The following STIMATE variants were observed in gnomAD, a reference collection of about 807,000 sequenced individuals.
STIMATE encodes STIM activating enhancer, also known as store-operated calcium entry regulator STIMATE.
A neutral mutation model predicts 36.7 loss-of-function variants in STIMATE; 15 were observed. The observed-to-expected ratio is 0.41, with a 90% CI of 0.27 to 0.63. The LOEUF (loss-of-function observed/expected upper bound fraction) is 0.63, where lower values mean the gene tolerates loss of function less well. STIMATE is among the 20% of genes least tolerant of loss of function. STIMATE has a pLI of 0.32. For missense variants in STIMATE, 305 were observed against 397.3 expected, an observed-to-expected ratio of 0.77 and a Z score of 1.98; for synonymous variants, 163 against 162.3, an observed-to-expected ratio of 1.00 and a Z score of -0.03.
chr3:52,842,446 T>C (rs1700813603), intron 7 of STIMATE, among the ~76,000 whole-genome samples: 1 of 152,240 alleles, frequency 6.6e-6, no homozygotes, highest in Admixed American at 6.5e-5. Context: ...TGGGCAGAGA[T>C]TCAAATATCC....
rs370253640 is a variant in STIMATE, at chr3:52,871,962, G to A, written c.161-16518C>T. Among the ~76,000 whole-genome samples, 7 of 152,134 alleles carry A rather than the reference G, an allele frequency of 4.6e-5. No homozygotes were observed. In the East Asian group the frequency reaches 9.7e-4, roughly 21 times the overall value. ...GCTTCTCTTGATGCGGCACCCACAAGTTCCACCCTGCCCCTGCCCCTCTGG... is the reference window on the plus strand; with the variant it reads ...GCTTCTCTTGATGCGGCACCCACAAATTCCACCCTGCCCCTGCCCCTCTGG... On this transcript the variant is annotated intron_variant, in intron 1 of 7. Coordinates refer to ENST00000355083, the MANE Select transcript of STIMATE (RefSeq NM_198563.5).
intron 4 of STIMATE, among the ~76,000 whole-genome samples, chr3:52,847,794 G>C (rs959450749): frequency 6.6e-6 from 1 of 152,224 alleles, no homozygotes; most frequent in African/African-American, 2.4e-5. Flanking sequence ...CTTTAAGACA[G>C]GGAGAGTGTT....
chr3:52,886,773 C>CCAGTT (rs1701692335), intron 1 of STIMATE, among the ~76,000 whole-genome samples: 1 of 152,182 alleles, frequency 6.6e-6, no homozygotes, highest in Admixed American at 6.5e-5. Flanking sequence ...CAACCCTACC[C>CCAGTT]CAGTTATCAA....
chr3:52,893,068 T>C (rs1414943876), intron 1 of STIMATE, among the ~76,000 whole-genome samples: 1 of 149,706 alleles, frequency 6.7e-6, no homozygotes, highest in African/African-American at 2.5e-5. Flanking sequence ...AAAGTGTGCA[T>C]GTATGTGTAG....
At chr3:52,847,744 A>T (rs1016316504) in intron 4 of STIMATE, among the ~76,000 whole-genome samples, 24 of 152,164 alleles carry the variant, frequency 1.6e-4, no homozygotes, top group Admixed American at 1.3e-3. Flanking sequence ...GCAAAGGGGA[A>T]TTGAGGCTGC....
intron 1 of STIMATE, among the ~76,000 whole-genome samples, chr3:52,886,529 C>A (rs138522418): frequency 6.6e-6 from 1 of 152,172 alleles, no homozygotes. Flanking sequence ...AGACTTGACA[C>A]GTAATGAGTA....
chr3:52,850,306 C>A (rs1370759287), intron 3 of STIMATE, among the ~76,000 whole-genome samples: 1 of 152,184 alleles, frequency 6.6e-6, no homozygotes, highest in Non-Finnish European at 1.5e-5. Context: ...GTGGCGCGCA[C>A]CTGTAGTCCC....
chr3:52,851,980 G>A (rs570994545), intron 3 of STIMATE, among the ~76,000 whole-genome samples: 1 of 152,168 alleles, frequency 6.6e-6, no homozygotes, highest in Non-Finnish European at 1.5e-5. Context: ...TTAATATATG[G>A]CAGGCTGCTA....
intron 1 of STIMATE, among the ~76,000 whole-genome samples, chr3:52,871,024 C>A (rs1701395279): frequency 6.6e-6 from 1 of 152,070 alleles, no homozygotes; most frequent in African/African-American, 2.4e-5. Context: ...AATTCCCCAG[C>A]AACCTTCACA....
At chr3:52,857,722 C>T in intron 1 of STIMATE, among the ~76,000 whole-genome samples, 1 of 149,736 alleles carries the variant, frequency 6.7e-6, no homozygotes, top group East Asian at 1.9e-4. Context: ...ATAAGTAATA[C>T]AACAAATTAT....
At chr3:52,855,808 A>G (rs1397388308) in intron 1 of STIMATE, among the ~76,000 whole-genome samples, 1 of 152,232 alleles carries the variant, frequency 6.6e-6, no homozygotes, top group Non-Finnish European at 1.5e-5. Context: ...ATCCATCATC[A>G]ACTCAAACGT....
Position 52,859,172 on chromosome 3 carries a change from A to T in STIMATE, c.161-3728T>A, listed in dbSNP as rs573158833. On this transcript the variant is annotated intron_variant, in intron 1 of 7. Transcript: ENST00000355083. ...AGCGAGACTCCATCTCAAAAAAAATAAAATAAATAAAATAAAATAAAATAA... is the reference window on the plus strand; with the variant it reads ...AGCGAGACTCCATCTCAAAAAAAATTAAATAAATAAAATAAAATAAAATAA... 0.017 allele frequency among the ~76,000 whole-genome samples: 2,545 copies of T among 146,002 alleles called. 152 individuals carry two copies. The South Asian group carries it at 0.22, about 13-fold the overall frequency.
chr3:52,892,071 T>C (rs144763413), intron 1 of STIMATE, among the ~76,000 whole-genome samples: 52 of 152,370 alleles, frequency 3.4e-4, no homozygotes, highest in South Asian at 6.2e-4. Context: ...CCAGGGATCC[T>C]GTTATTTTTA....
chr3:52,856,042 T>G (rs940215099), intron 1 of STIMATE, among the ~76,000 whole-genome samples: 1 of 152,212 alleles, frequency 6.6e-6, no homozygotes, highest in African/African-American at 2.4e-5. Flanking sequence ...GAGACTTTAC[T>G]GATGGGGGAC....
chr3:52,895,288 T>C (rs754288285), intron 1 of STIMATE, among the ~76,000 whole-genome samples: 1 of 152,226 alleles, frequency 6.6e-6, no homozygotes, highest in Non-Finnish European at 1.5e-5. Flanking sequence ...CTTCTTCTTG[T>C]CCAGCTCCCA....
At position 52,838,133 on chromosome 3, in the gene STIMATE, C is replaced by T. The variant is rs1029862757; in HGVS notation, c.*2361G>A. 6.6e-6 allele frequency: 1 copy of T among 152,268 alleles called. No individual in the cohort carries two copies. Among genetic ancestry groups the T allele is most frequent in the African/African-American group, 2.4e-5 (1 of 41,456 alleles). 9.4% of individuals were successfully genotyped at this position (152,268 alleles called of 1,614,324 possible). On this transcript the variant is annotated 3_prime_UTR_variant, in exon 8 of 8. Coordinates refer to ENST00000355083, the MANE Select transcript of STIMATE (RefSeq NM_198563.5). The stretch of plus-strand genomic sequence containing the variant: ...ACTAGCCACAGCTCAGAGACTAAAG[C>T]CCTTTCTGAAAATCAGGATACAGGG...
chr3:52,840,703 T>TC, intron 7 of STIMATE, 93 bp from the exon 8 acceptor site: 1 of 357,024 alleles, frequency 2.8e-6, no homozygotes, highest in Non-Finnish European at 3.7e-6. Flanking sequence ...GTCTCATGTT[T>TC]TTTTTTTTTT....
In STIMATE at chr3:52,844,992, A is replaced by T. The variant is rs1286406910; in HGVS notation, c.428-51T>A. 1.9e-6 allele frequency: 3 copies of T among 1,592,420 alleles called. No homozygotes were observed. The African/African-American group carries it at 4.0e-5, about 21-fold the overall frequency. On this transcript the variant is annotated intron_variant, in intron 4 of 7. Transcript: ENST00000355083. ...CACATGGGGCCCAGGCATCTGAGTG[A>T]GATGATGTCCCCACCCCACTCCCCC...
At chr3:52,874,632 G>A (rs9829908) in intron 1 of STIMATE, among the ~76,000 whole-genome samples, 3,921 of 152,218 alleles carry the variant, frequency 0.026, 186 homozygotes, top group African/African-American at 0.09. Context: ...AGGCTGAGCC[G>A]GGCGGATCAC....
Sources: allele counts gnomAD v4.1 joint callset (sites outside exome capture counted in the v4.1 genomes callset), GRCh38; gene constraint gnomAD v4.1.1; transcripts MANE v1.5; gene names NCBI Gene and HGNC (gene_info 2026-07-23, HGNC 2026-07-21).